The following BCAS3 variants were observed in gnomAD, a reference collection of about 807,000 sequenced individuals.
The protein encoded by BCAS3 is BCAS4/BCAS3 fusion.
Under a neutral mutation model 116.1 loss-of-function variants are expected in BCAS3, and 53 were observed. That is an observed-to-expected ratio of 0.46 (90% CI 0.37 to 0.57). The LOEUF (loss-of-function observed/expected upper bound fraction) is 0.57, where lower values mean the gene tolerates loss of function less well. Among genes scored for constraint, BCAS3 ranks in the 20% least tolerant of loss-of-function variants. The probability of loss-of-function intolerance (pLI) is 0.00; values close to 1 mark genes in which losing one functional copy is unlikely to be tolerated. For missense variants in BCAS3, 917 were observed against 1,165.4 expected, an observed-to-expected ratio of 0.79 and a Z score of 3.10; for synonymous variants, 391 against 408.2, an observed-to-expected ratio of 0.96 and a Z score of 0.51.
In BCAS3 at chr17:61,077,428, A is replaced by G. The variant is rs2072117944; in HGVS notation, c.2131-905A>G. On this transcript the variant is annotated intron_variant, in intron 20 of 23. Transcript: ENST00000407086. This position sits in a 1 kb window ranked among gnomAD's most constrained non-coding sequence, Gnocchi z 4.3. ...GCTACTGGGGAGGCTGAGGCAGGAG[A>G]ATGTAGTGAACCCAGGAGGCGGAGC... Among the ~76,000 whole-genome samples, 1 of 152,168 alleles carries G rather than the reference A, an allele frequency of 6.6e-6. No individual in the cohort carries two copies. The highest frequency in any genetic ancestry group is 1.5e-5 in the Non-Finnish European group (1 of 68,022).
chr17:60,739,877 G>T (rs868523363), intron 5 of BCAS3, among the ~76,000 whole-genome samples: 2,744 of 145,820 alleles, frequency 0.019, 78 homozygotes, highest in African/African-American at 0.066. Flanking sequence ...TGTTTTTTTT[G>T]TTTTTGTTTT....
chr17:60,895,541 A>G (rs562583971), intron 10 of BCAS3, among the ~76,000 whole-genome samples: 8 of 151,770 alleles, frequency 5.3e-5, no homozygotes, highest in South Asian at 2.1e-4. Flanking sequence ...TCATTAGTCT[A>G]TTTTGCTTAG....
intron 16 of BCAS3, among the ~76,000 whole-genome samples, chr17:61,030,601 C>A (rs557219783): frequency 6.6e-6 from 1 of 151,930 alleles, no homozygotes; most frequent in Non-Finnish European, 1.5e-5. Context: ...GACAGTTAAG[C>A]GTTTCCTCAG....
Position 61,021,914 on chromosome 17 carries a change from G to A in BCAS3, c.1637+6013G>A, listed in dbSNP as rs1028935387. Among the ~76,000 whole-genome samples the A allele has an allele frequency of 6.6e-6, 1 of 152,132 alleles. No individual in the cohort carries two copies. The highest frequency in any genetic ancestry group is 2.4e-5 in the African/African-American group (1 of 41,426). The stretch of plus-strand genomic sequence containing the variant: ...CTGAGCCTTAAACTTTATAGGCAAA[G>A]TTCGGAGAATTAAATTGGAAATATT... On this transcript the variant is annotated intron_variant, in intron 16 of 23. Coordinates refer to ENST00000407086, the MANE Select transcript of BCAS3 (RefSeq NM_017679.5). This position sits in a 1 kb window ranked among gnomAD's most constrained non-coding sequence, Gnocchi z 4.6.
At chr17:60,817,315 G>A (rs1315724456) in intron 7 of BCAS3, among the ~76,000 whole-genome samples, 1 of 152,150 alleles carries the variant, frequency 6.6e-6, no homozygotes, top group Non-Finnish European at 1.5e-5. Context: ...GAGAGAGGGA[G>A]GAAACCAAAG....
rs1311881475 is a variant in BCAS3, at chr17:61,286,763, A to T, written c.2426-81564A>T. On this transcript the variant is annotated intron_variant, in intron 22 of 23. Transcript: ENST00000407086. This position sits in a 1 kb window ranked among gnomAD's most constrained non-coding sequence, Gnocchi z 4.8. ...CTAAACTCTGCCACGGGCTTACCAG[A>T]GTGAGAAGTTAGCATATTGAGGCAA... 6.6e-6 allele frequency among the ~76,000 whole-genome samples: 1 copy of T among 152,190 alleles called. No homozygotes were observed. Among genetic ancestry groups the T allele is most frequent in the Non-Finnish European group, 1.5e-5 (1 of 68,030 alleles).
At chr17:61,166,317 T>G (rs950297234) in intron 22 of BCAS3, among the ~76,000 whole-genome samples, 1 of 151,798 alleles carries the variant, frequency 6.6e-6, no homozygotes, top group Non-Finnish European at 1.5e-5. Context: ...TAATAGCAAA[T>G]AGCTCCATAA....
intron 19 of BCAS3, among the ~76,000 whole-genome samples, chr17:61,059,463 A>G (rs1395959933): frequency 6.6e-6 from 1 of 152,162 alleles, no homozygotes; most frequent in Non-Finnish European, 1.5e-5. Flanking sequence ...TGATCCAAAA[A>G]GGCTTACCCA....
intron 10 of BCAS3, among the ~76,000 whole-genome samples, chr17:60,896,862 T>G (rs1234109397): frequency 6.6e-6 from 1 of 152,174 alleles, no homozygotes; most frequent in Non-Finnish European, 1.5e-5. Flanking sequence ...TGTTCTTATA[T>G]TGTTGATTGT....
At position 61,279,246 on chromosome 17, in the gene BCAS3, C is replaced by T. The variant is rs1706841136; in HGVS notation, c.2426-89081C>T. 6.6e-6 allele frequency among the ~76,000 whole-genome samples: 1 copy of T among 152,134 alleles called. No homozygotes were observed. The highest frequency in any genetic ancestry group is 2.4e-5 in the African/African-American group (1 of 41,420). On this transcript the variant is annotated intron_variant, in intron 22 of 23. Coordinates refer to ENST00000407086, the MANE Select transcript of BCAS3 (RefSeq NM_017679.5). This position sits in a 1 kb window ranked among gnomAD's most constrained non-coding sequence, Gnocchi z 4.4. ...ACAGGCATGAGCCACCATACCTAGC[C>T]TGAATTATATACTTTAAGTGGGTGA...
At chr17:60,860,556 C>T (rs1372308019) in intron 7 of BCAS3, among the ~76,000 whole-genome samples, 2 of 152,174 alleles carry the variant, frequency 1.3e-5, no homozygotes, top group East Asian at 1.9e-4. Context: ...TTTGCCAGGG[C>T]ATGTGTCCAG....
rs1292584101 is a variant in BCAS3, at chr17:61,325,854, G to GA, written c.2426-42472dup. On this transcript the variant is annotated intron_variant, in intron 22 of 23. Transcript: ENST00000407086. The surrounding 1 kb of genome is among the most constrained non-coding windows in gnomAD (Gnocchi z 6.4). ...GTGGTCCCTGGGGACAGTCATCTGG[G>GA]ACCCAGTCATGCTGAATGTTTCTCT... Among the ~76,000 whole-genome samples the GA allele has an allele frequency of 2.6e-5, 4 of 152,138 alleles. No homozygotes were observed. The highest frequency in any genetic ancestry group is 4.8e-5 in the African/African-American group (2 of 41,436).
chr17:61,149,926 A>T (rs1049153261), intron 22 of BCAS3, among the ~76,000 whole-genome samples: 3 of 152,218 alleles, frequency 2.0e-5, no homozygotes, highest in Admixed American at 6.5e-5. Context: ...TCTGGCCATG[A>T]GGTTAATTGC....
Position 60,851,888 on chromosome 17 carries a change from T to C in BCAS3, c.477-16688T>C, listed in dbSNP as rs2053202658. ...AGAAGGGAATCTCACCTCATCCCAT[T>C]TTTTAAGTGTAAATGCTTTTTTTTA... On this transcript the variant is annotated intron_variant, in intron 7 of 23. Transcript: ENST00000407086. 5 of 1,445,366 alleles carry C rather than the reference T, an allele frequency of 3.5e-6. No homozygotes were observed. In the East Asian group the frequency reaches 1.4e-4, roughly 40 times the overall value. The allele number at this position is 1,445,366 out of a possible 1,614,324, so 89.5% of individuals were successfully genotyped here.
chr17:61,209,477 G>T (rs2081331880), intron 22 of BCAS3, among the ~76,000 whole-genome samples: 1 of 152,148 alleles, frequency 6.6e-6, no homozygotes, highest in South Asian at 2.1e-4. Flanking sequence ...CATTATAAAG[G>T]CAAGGGGAGG....
intron 12 of BCAS3, among the ~76,000 whole-genome samples, chr17:60,914,783 TCTTA>T (rs2058694026): frequency 6.6e-6 from 1 of 152,252 alleles, no homozygotes; most frequent in African/African-American, 2.4e-5. Context: ...ATATATTTTC[TCTTA>T]CTTTATTATA....
At chr17:60,747,153 A>T in intron 5 of BCAS3, 45 bp from the exon 6 acceptor site, 1 of 1,338,914 alleles carries the variant, frequency 7.5e-7, no homozygotes, top group Non-Finnish European at 1.1e-6. Context: ...TACTGTTGTG[A>T]CCTTCATTTT....
rs1053177599 is a variant in BCAS3 at position 61,017,830 on chromosome 17, T to G, written c.1637+1929T>G. On this transcript the variant is annotated intron_variant, in intron 16 of 23. Transcript: ENST00000407086. This position sits in a 1 kb window ranked among gnomAD's most constrained non-coding sequence, Gnocchi z 4.7. ...CTCTCTCTCCCTCTTACAACCCGAT[T>G]TCTCTCTACACTGAGATGAATAGAA... Among the ~76,000 whole-genome samples the G allele has an allele frequency of 6.6e-6, 1 of 152,154 alleles. No individual in the cohort carries two copies. Among genetic ancestry groups the G allele is most frequent in the Non-Finnish European group, 1.5e-5 (1 of 68,012 alleles).
chr17:61,222,230 G>A lies in BCAS3; in HGVS notation c.2425+137666G>A, dbSNP rs986819078. On this transcript the variant is annotated intron_variant, in intron 22 of 23. Transcript: ENST00000407086. The surrounding 1 kb of genome is among the most constrained non-coding windows in gnomAD (Gnocchi z 6.1). ...AAGAAATGATAAAAATAAGGACTCAGCTTAAACCTTTGAAAGAAAGGGCCT... is the reference window on the plus strand; with the variant it reads ...AAGAAATGATAAAAATAAGGACTCAACTTAAACCTTTGAAAGAAAGGGCCT... 3.3e-5 allele frequency among the ~76,000 whole-genome samples: 5 copies of A among 152,310 alleles called. No individual in the cohort carries two copies. The highest frequency in any genetic ancestry group is 2.1e-4 in the South Asian group (1 of 4,830).
Sources: gnomAD v4.1 joint callset for allele counts (sites outside exome capture counted in the v4.1 genomes callset) on GRCh38, gnomAD v4.1.1 for gene constraint, Gnocchi (gnomAD v3.1) non-coding constraint, MANE v1.5 for transcripts, NCBI Gene and HGNC (gene_info 2026-07-23, HGNC 2026-07-21) for gene names.